TENM3: variants seen among roughly 807,000 people sequenced by gnomAD.
The protein encoded by TENM3 is teneurin transmembrane protein 3.
In TENM3, 63 loss-of-function variants were observed where a neutral mutation model predicts 255.1. The ratio of observed to expected loss-of-function variants is 0.25; its 90% CI spans 0.20 to 0.30. TENM3 has a LOEUF of 0.30. Among genes scored for constraint, TENM3 ranks in the 10% least tolerant of loss-of-function variants. The pLI is 1.00. For synonymous variants in TENM3, 1,306 were observed against 1,322.3 expected, an observed-to-expected ratio of 0.99 and a Z score of 0.27; for missense variants, 2,929 against 3,461.1, an observed-to-expected ratio of 0.85 and a Z score of 3.86.
intron 2 of TENM3, among the ~76,000 whole-genome samples, chr4:182,338,924 A>G (rs1439954381): frequency 6.6e-6 from 1 of 152,178 alleles, no homozygotes; most frequent in Non-Finnish European, 1.5e-5. Flanking sequence ...CATTATAGTG[A>G]ATAATGGGAA....
At chr4:182,140,990 T>TCCCC (rs994991428), upstream of TENM3, among the ~76,000 whole-genome samples, 132 of 56,248 alleles carry the variant, frequency 2.3e-3, no homozygotes, top group Non-Finnish European at 3.6e-3. Context: ...ATTATATCCC[T>TCCCC]CCCCCCCGCC....
intron 3 of TENM3, among the ~76,000 whole-genome samples, chr4:182,412,094 G>A (rs1770028243): frequency 6.6e-6 from 1 of 152,138 alleles, no homozygotes; most frequent in African/African-American, 2.4e-5. Flanking sequence ...GGTCGTGACT[G>A]AAAAGTCCAG....
intron 3 of TENM3, among the ~76,000 whole-genome samples, chr4:182,360,320 G>C (rs937711208): frequency 1.5e-5 from 2 of 130,508 alleles, no homozygotes; most frequent in African/African-American, 5.9e-5. Flanking sequence ...TGACAGTGGG[G>C]TGTTAAAGTC....
At chr4:181,787,385 C>A in the TENM3 span, among the ~76,000 whole-genome samples, 3 of 150,336 alleles carry the variant, frequency 2.0e-5, 1 homozygote, top group Non-Finnish European at 4.4e-5. Flanking sequence ...GTCGCCCAGG[C>A]TGGAGGGCAA....
intron 4 of TENM3, among the ~76,000 whole-genome samples, chr4:182,610,834 C>T (rs1190785984): frequency 2.6e-5 from 4 of 150,980 alleles, no homozygotes; most frequent in African/African-American, 7.3e-5. Flanking sequence ...ACCTTGACCT[C>T]CTGGGCTCAA....
chr4:182,470,403 GA>G (rs766775378), intron 3 of TENM3, among the ~76,000 whole-genome samples: 16 of 152,128 alleles, frequency 1.1e-4, no homozygotes, highest in Non-Finnish European at 2.2e-4. Flanking sequence ...GGACCATCCC[GA>G]AATTCTTGTT....
chr4:182,047,593 A>G, the TENM3 span, among the ~76,000 whole-genome samples: 1 of 151,470 alleles, frequency 6.6e-6, no homozygotes, highest in Non-Finnish European at 1.5e-5. Context: ...TGCATGAATA[A>G]ATGAACCATT....
intron 1 of TENM3, among the ~76,000 whole-genome samples, chr4:182,207,353 T>G (rs1754653573): frequency 6.6e-6 from 1 of 152,230 alleles, no homozygotes; most frequent in Non-Finnish European, 1.5e-5. Context: ...GTATGTCATA[T>G]TTTATAACTA....
At chr4:182,759,071 C>G (rs1226637808) in intron 22 of TENM3, among the ~76,000 whole-genome samples, 3 of 152,144 alleles carry the variant, frequency 2.0e-5, no homozygotes, top group African/African-American at 4.8e-5. Context: ...ATAGTTCCTT[C>G]CAAAGAAATT....
chr4:182,054,765 T>C, the TENM3 span, among the ~76,000 whole-genome samples: 1 of 152,080 alleles, frequency 6.6e-6, no homozygotes, highest in South Asian at 2.1e-4. Flanking sequence ...ATGTGCCCCA[T>C]AAATATATAC....
At chr4:181,625,090 C>A in the TENM3 span, among the ~76,000 whole-genome samples, 1 of 152,166 alleles carries the variant, frequency 6.6e-6, no homozygotes, top group Non-Finnish European at 1.5e-5. Context: ...CAGGGCCCAT[C>A]CTGTTCAAGG....
At chr4:181,503,584 C>T in the TENM3 span, among the ~76,000 whole-genome samples, 1 of 152,084 alleles carries the variant, frequency 6.6e-6, no homozygotes, top group African/African-American at 2.4e-5. Flanking sequence ...GGAACTTTTC[C>T]CATTTCCATA....
chr4:181,648,168 T>C, the TENM3 span, among the ~76,000 whole-genome samples: 1 of 152,070 alleles, frequency 6.6e-6, no homozygotes, highest in African/African-American at 2.4e-5. Flanking sequence ...CCTGCTCCAT[T>C]GGTCTGTTCT....
At chr4:182,631,322 T>C (rs1255738253) in intron 5 of TENM3, 1 of 152,220 alleles carries the variant, frequency 6.6e-6, no homozygotes, top group Admixed American at 6.5e-5. Context: ...AAAATTACTT[T>C]TATCTTCAAA....
chr4:181,562,631 C>A, the TENM3 span, among the ~76,000 whole-genome samples: 3 of 151,920 alleles, frequency 2.0e-5, no homozygotes, highest in Admixed American at 2.0e-4. Context: ...ACTTTCCAGC[C>A]TGTGATGGCA....
chr4:182,175,272 T>A lies in TENM3; in HGVS notation c.-76+30518T>A, dbSNP rs1752387290. Among the ~76,000 whole-genome samples, 15 of 148,242 alleles carry A rather than the reference T, an allele frequency of 1.0e-4. No individual in the cohort carries two copies. The Admixed American group carries it at 1.0e-3, about 10-fold the overall frequency. On this transcript the variant is annotated intron_variant, in intron 1 of 2. Coordinates refer to the TENM3 transcript ENST00000512480. ...CTTGAGATGAGTCTCCTTTTTACCT[T>A]TGTTACCTCAGGCCTCTGCTCTGCT...
chr4:182,045,312 T>C, the TENM3 span, among the ~76,000 whole-genome samples: 3 of 151,778 alleles, frequency 2.0e-5, no homozygotes, highest in Admixed American at 2.0e-4. Context: ...GCTGATTGAA[T>C]GCTTTGATTG....
At chr4:182,649,861 CT>C (rs944298201) in intron 5 of TENM3, among the ~76,000 whole-genome samples, 1 of 150,234 alleles carries the variant, frequency 6.7e-6, no homozygotes, top group African/African-American at 2.4e-5. Flanking sequence ...CCCACACAAG[CT>C]GTGTTTCACT....
chr4:182,303,634 G>T (rs944803640), intron 1 of TENM3, among the ~76,000 whole-genome samples: 4 of 147,132 alleles, frequency 2.7e-5, no homozygotes, highest in African/African-American at 7.9e-5. Flanking sequence ...TGACCTTGGT[G>T]GGGGGGGTGA....
Sources: allele counts gnomAD v4.1 joint callset (sites outside exome capture counted in the v4.1 genomes callset), GRCh38; gene constraint gnomAD v4.1.1; transcripts MANE v1.5; gene names NCBI Gene and HGNC (gene_info 2026-07-23, HGNC 2026-07-21).